GPBP1: variants seen among roughly 807,000 people sequenced by gnomAD.
GPBP1 encodes the protein vasculin.
A neutral mutation model predicts 56.5 loss-of-function variants in GPBP1; 13 were observed. That is an observed-to-expected ratio of 0.23 (90% CI 0.15 to 0.37). The LOEUF is 0.37. Among genes scored for constraint, GPBP1 ranks in the 10% least tolerant of loss-of-function variants. The pLI is 1.00. For missense variants in GPBP1, 477 were observed against 572.3 expected (o/e 0.83, Z 1.70); for synonymous variants, 204 against 188.9 (o/e 1.08, Z -0.66).
chr5:57,229,958 G>GTCCCGTCCCA (rs1244731369), intron 3 of GPBP1, among the ~76,000 whole-genome samples: 9 of 148,794 alleles, frequency 6.0e-5, no homozygotes, highest in African/African-American at 2.3e-4. Flanking sequence ...GTCCCGTCCC[G>GTCCCGTCCCA]TCCCGTCCCG....
intron 8 of GPBP1, among the ~76,000 whole-genome samples, chr5:57,248,434 T>G (rs1196532163): frequency 2.6e-5 from 3 of 114,232 alleles, no homozygotes; most frequent in African/African-American, 8.7e-5. Flanking sequence ...TTTTTTTTTT[T>G]TTTTTTTTTT....
rs150341973 is a variant in GPBP1 at position 57,257,939 on chromosome 5, A to G, written c.1161-3241A>G. On this transcript the variant is annotated intron_variant, in intron 10 of 11. Coordinates refer to ENST00000506184, the MANE Select transcript of GPBP1 (RefSeq NM_022913.4). Reference sequence around the variant, plus strand: ...AGCAGGCAATTTACTCACTGAAGTTAAAGATCATATTGAAAAGGCAGGACT... The same window carrying G: ...AGCAGGCAATTTACTCACTGAAGTTGAAGATCATATTGAAAAGGCAGGACT... Among the ~76,000 whole-genome samples the G allele has an allele frequency of 3.1e-3, 475 of 152,300 alleles. 4 individuals carry two copies. The highest frequency in any genetic ancestry group is 0.011 in the African/African-American group (454 of 41,572).
At position 57,193,956 on chromosome 5, in the gene GPBP1, G is replaced by A. The variant is rs146499313; in HGVS notation, c.-58+17556G>A. ...TCCTGTTTCTTAGCAGTTCCCCTCTGCGGAAACCACTGTTAGTTTCTTATG... is the reference window on the plus strand; with the variant it reads ...TCCTGTTTCTTAGCAGTTCCCCTCTACGGAAACCACTGTTAGTTTCTTATG... On this transcript the variant is annotated intron_variant, in intron 2 of 11. Transcript: ENST00000506184. Among the ~76,000 whole-genome samples the A allele has an allele frequency of 6.0e-4, 91 of 152,278 alleles. 1 individual carries two copies. The East Asian group carries it at 0.016, about 27-fold the overall frequency.
At chr5:57,238,422 G>A (rs1740641885) in intron 6 of GPBP1, among the ~76,000 whole-genome samples, 1 of 152,304 alleles carries the variant, frequency 6.6e-6, no homozygotes, top group Admixed American at 6.5e-5. Flanking sequence ...GCCGGGTGTG[G>A]TGGCGCATGC....
At chr5:57,179,195 C>A (rs1026216112) in intron 2 of GPBP1, among the ~76,000 whole-genome samples, 22 of 152,344 alleles carry the variant, frequency 1.4e-4, no homozygotes, top group African/African-American at 4.8e-4. Flanking sequence ...TTTATTTGAA[C>A]ATTATCTTTG....
intron 3 of GPBP1, among the ~76,000 whole-genome samples, chr5:57,225,568 A>T (rs1756151257): frequency 6.6e-6 from 1 of 152,058 alleles, no homozygotes; most frequent in African/African-American, 2.4e-5. Context: ...ACTCCGACAG[A>T]TTCTACAAAG....
intron 2 of GPBP1, among the ~76,000 whole-genome samples, chr5:57,186,846 C>T (rs925906901): frequency 6.6e-6 from 1 of 152,044 alleles, no homozygotes; most frequent in Non-Finnish European, 1.5e-5. Context: ...ATTGGGATTA[C>T]AGGCGAGAGC....
intron 10 of GPBP1, among the ~76,000 whole-genome samples, chr5:57,259,131 A>G (rs1432599788): frequency 1.3e-5 from 2 of 152,238 alleles, no homozygotes; most frequent in African/African-American, 2.4e-5. Context: ...AGAAGAAATG[A>G]TTAATGCTGA....
chr5:57,258,105 A>T lies in GPBP1; in HGVS notation c.1161-3075A>T, dbSNP rs75656141. Among the ~76,000 whole-genome samples the T allele has an allele frequency of 2.8e-3, 429 of 152,346 alleles. 3 individuals carry two copies. The highest frequency in any genetic ancestry group is 6.8e-3 in the Middle Eastern group (2 of 294). On this transcript the variant is annotated intron_variant, in intron 10 of 11. Coordinates refer to ENST00000506184, the MANE Select transcript of GPBP1 (RefSeq NM_022913.4). ...CACAGTTAAGGAGTTTGTTCTTTAG[A>T]AAGTGAGAAGCCACCGAAAATATTT...
intron 2 of GPBP1, among the ~76,000 whole-genome samples, chr5:57,205,341 T>C (rs1755187768): frequency 6.6e-6 from 1 of 152,230 alleles, no homozygotes. Context: ...TTTGGGGTGT[T>C]TCTACCTTTT....
chr5:57,236,563 CA>C (rs1260234354), intron 6 of GPBP1, among the ~76,000 whole-genome samples: 2 of 152,004 alleles, frequency 1.3e-5, no homozygotes, highest in African/African-American at 4.8e-5. Flanking sequence ...TTCTGATTTT[CA>C]AAGCTTAATG....
intron 9 of GPBP1, 73 bp downstream of exon 9, chr5:57,249,649 TTGG>T: frequency 8.5e-7 from 1 of 1,182,030 alleles, no homozygotes; most frequent in Non-Finnish European, 1.2e-6. Context: ...TATTAGGACC[TTGG>T]AATACATTTG....
At chr5:57,258,438 ATATTG>A (rs996810632) in intron 10 of GPBP1, among the ~76,000 whole-genome samples, 3 of 152,308 alleles carry the variant, frequency 2.0e-5, no homozygotes, top group Middle Eastern at 3.4e-3. Flanking sequence ...ACTGTACTGA[ATATTG>A]TATAGTATTT....
chr5:57,197,931 C>T (rs1444332848), intron 2 of GPBP1, among the ~76,000 whole-genome samples: 1 of 151,900 alleles, frequency 6.6e-6, no homozygotes, highest in Middle Eastern at 3.2e-3. Flanking sequence ...GTGAGCAGTG[C>T]TTATTGAACG....
chr5:57,207,198 T>C (rs1285025750), intron 2 of GPBP1, among the ~76,000 whole-genome samples: 1 of 152,222 alleles, frequency 6.6e-6, no homozygotes, highest in Non-Finnish European at 1.5e-5. Flanking sequence ...AGTTTTGAAA[T>C]AGGGAAGTGT....
intron 9 of GPBP1, among the ~76,000 whole-genome samples, chr5:57,250,667 C>G (rs1482633530): frequency 6.6e-6 from 1 of 151,854 alleles, no homozygotes; most frequent in African/African-American, 2.4e-5. Flanking sequence ...CACAGCCTCC[C>G]AAGCAGCTAG....
intron 3 of GPBP1, among the ~76,000 whole-genome samples, chr5:57,217,176 G>A (rs6888478): frequency 0.64 from 96,596 of 151,866 alleles, 31,389 homozygotes; most frequent in East Asian, 0.98. Flanking sequence ...AAATAGCGGC[G>A]TATTCTGATA....
chr5:57,238,580 A>AT (rs1740656201), intron 6 of GPBP1, among the ~76,000 whole-genome samples: 3 of 152,136 alleles, frequency 2.0e-5, no homozygotes. Context: ...AAATAAATAA[A>AT]TAAATTAGTG....
At chr5:57,206,766 C>T (rs1755251189) in intron 2 of GPBP1, among the ~76,000 whole-genome samples, 1 of 152,258 alleles carries the variant, frequency 6.6e-6, no homozygotes, top group Non-Finnish European at 1.5e-5. Flanking sequence ...CGTATTGAAT[C>T]ATCTTAGCAC....
Sources: allele counts gnomAD v4.1 joint callset (sites outside exome capture counted in the v4.1 genomes callset), GRCh38; gene constraint gnomAD v4.1.1; transcripts MANE v1.5; gene names NCBI Gene and HGNC (gene_info 2026-07-23, HGNC 2026-07-21).